The following C2CD3 variants were observed in gnomAD, a reference collection of about 807,000 sequenced individuals.
C2CD3 encodes the protein C2 domain containing 3 centriole elongation regulator, also known as C2 domain-containing protein 3.
Under a neutral mutation model 234.0 loss-of-function variants are expected in C2CD3, and 148 were observed. The ratio of observed to expected loss-of-function variants is 0.63; its 90% CI spans 0.55 to 0.72. The LOEUF is 0.72. Among genes scored for constraint, C2CD3 ranks in the 30% least tolerant of loss-of-function variants. The pLI is 0.00. For synonymous variants in C2CD3, 1,000 were observed against 1,035.4 expected (o/e 0.97, Z 0.66); for missense variants, 2,577 against 2,811.5 (o/e 0.92, Z 1.89).
At chr11:74,053,898 C>T (rs553283328) in intron 26 of C2CD3, among the ~76,000 whole-genome samples, 2 of 120,584 alleles carry the variant, frequency 1.7e-5, no homozygotes, top group Non-Finnish European at 3.0e-5. Context: ...CAGGAGATTG[C>T]GGCAGGAGAT....
intron 26 of C2CD3, among the ~76,000 whole-genome samples, chr11:74,050,988 A>G (rs1403526420): frequency 1.3e-5 from 2 of 151,432 alleles, no homozygotes; most frequent in Non-Finnish European, 2.9e-5. Flanking sequence ...GTACTGAACC[A>G]GATTCAAGAT....
At chr11:74,107,598 A>G (rs535219144) in intron 12 of C2CD3, among the ~76,000 whole-genome samples, 12 of 152,344 alleles carry the variant, frequency 7.9e-5, no homozygotes, top group African/African-American at 2.6e-4. Context: ...TCAAATACAA[A>G]ATTATGTGAA....
chr11:74,063,740 C>T (rs1366557899), intron 24 of C2CD3, among the ~76,000 whole-genome samples: 1 of 152,172 alleles, frequency 6.6e-6, no homozygotes, highest in Non-Finnish European at 1.5e-5. Context: ...TCTCTCACCA[C>T]TCCTATTCAA....
chr11:74,114,524 A>T lies in C2CD3; in HGVS notation c.1590T>A (p.Asp530Glu), dbSNP rs1251106290. 6 of 1,613,950 alleles carry T rather than the reference A, an allele frequency of 3.7e-6. No individual in the cohort carries two copies. The South Asian group carries it at 6.6e-5, about 18-fold the overall frequency. Residue 530 changes from aspartate to glutamate, a missense_variant, in exon 10 of 33, where the codon GAT (aspartate) becomes GAA (glutamate). By Grantham distance (45) the Asp-to-Glu change is conservative (BLOSUM62 2). Transcript: ENST00000334126. ...GTGTTCTACCCAAAAGGGCCAGTCT[A>T]TCCACACTTAGTGTCATCGTTTGGG... The part of the protein sequence containing the change: ...EDAQTMTLSV[D>E]RLALLGRTHS...
In C2CD3 at chr11:74,170,961, G is replaced by C; in HGVS notation, c.-169C>G. 1 of 1,453,670 alleles carries C rather than the reference G, an allele frequency of 6.9e-7. No homozygotes were observed. The highest frequency in any genetic ancestry group is 9.2e-7 in the Non-Finnish European group (1 of 1,092,092). The allele number at this position is 1,453,670 out of a possible 1,614,324, so 90.0% of individuals were successfully genotyped here. On this transcript the variant is annotated 5_prime_UTR_variant, in exon 1 of 33. Transcript: ENST00000334126. ...CCTCTAACAGTCTCCGGAAAACGGTGCGAAGAGAAGGCGCCAAGACGCCTT... is the reference window on the plus strand; with the variant it reads ...CCTCTAACAGTCTCCGGAAAACGGTCCGAAGAGAAGGCGCCAAGACGCCTT...
chr11:74,125,977 T>G (rs1324624924), intron 7 of C2CD3, among the ~76,000 whole-genome samples: 1 of 152,190 alleles, frequency 6.6e-6, no homozygotes, highest in East Asian at 1.9e-4. Flanking sequence ...TTCTGTGTTG[T>G]AGCCCCTATT....
intron 7 of C2CD3, among the ~76,000 whole-genome samples, chr11:74,123,826 C>T (rs1957309205): frequency 1.3e-5 from 2 of 150,640 alleles, no homozygotes; most frequent in Admixed American, 1.3e-4. Flanking sequence ...GCAACCTCTG[C>T]CTCCTGGGTT....
intron 32 of C2CD3, among the ~76,000 whole-genome samples, chr11:74,017,143 G>A (rs1951910319): frequency 6.6e-6 from 1 of 152,222 alleles, no homozygotes; most frequent in African/African-American, 2.4e-5. Flanking sequence ...TACTAGAAGA[G>A]GGGTTGATGC....
intron 28 of C2CD3, among the ~76,000 whole-genome samples, chr11:74,045,051 T>C (rs574014135): frequency 6.6e-6 from 1 of 152,316 alleles, no homozygotes; most frequent in South Asian, 2.1e-4. Context: ...TTTATAGTTT[T>C]AGTTTTTACA....
At chr11:74,127,412 C>T (rs1359451000) in intron 7 of C2CD3, among the ~76,000 whole-genome samples, 1 of 152,086 alleles carries the variant, frequency 6.6e-6, no homozygotes, top group African/African-American at 2.4e-5. Flanking sequence ...ATGGATACTC[C>T]AGATTTCTTA....
intron 1 of C2CD3, among the ~76,000 whole-genome samples, chr11:74,168,947 T>C (rs1237173465): frequency 6.6e-6 from 1 of 152,236 alleles, no homozygotes; most frequent in Non-Finnish European, 1.5e-5. Flanking sequence ...AAAATACAAA[T>C]ATCAGAAGTA....
intron 32 of C2CD3, among the ~76,000 whole-genome samples, chr11:74,025,530 A>C (rs1159232309): frequency 6.6e-6 from 1 of 152,176 alleles, no homozygotes; most frequent in Non-Finnish European, 1.5e-5. Context: ...TCAAAGGCAA[A>C]AACACAAAAG....
At chr11:74,129,551 T>C (rs1469150260) in intron 7 of C2CD3, 1 of 185,638 alleles carries the variant, frequency 5.4e-6, no homozygotes, top group African/African-American at 2.6e-5. Context: ...ACTTCCTAGA[T>C]GGGATGGCGG....
intron 11 of C2CD3, among the ~76,000 whole-genome samples, chr11:74,111,212 G>A (rs376889732): frequency 1.8e-4 from 28 of 151,804 alleles, no homozygotes; most frequent in African/African-American, 6.8e-4. Flanking sequence ...TCCTCTTTAC[G>A]TCCTGATATG....
intron 3 of C2CD3, among the ~76,000 whole-genome samples, chr11:74,154,459 A>G (rs1167703208): frequency 6.6e-6 from 1 of 152,186 alleles, no homozygotes; most frequent in African/African-American, 2.4e-5. Flanking sequence ...CTGGGAATAT[A>G]AATGAATGAA....
At chr11:74,017,197 T>C (rs1434000984) in intron 32 of C2CD3, among the ~76,000 whole-genome samples, 7 of 152,182 alleles carry the variant, frequency 4.6e-5, no homozygotes, top group Admixed American at 1.3e-4. Flanking sequence ...TTTGATCTTA[T>C]TCTTCTTGGA....
Position 74,090,746 on chromosome 11 carries a change from C to G in C2CD3, c.3641+67G>C, listed in dbSNP as rs1439737505. 8 of 1,575,810 alleles carry G rather than the reference C, an allele frequency of 5.1e-6. No homozygotes were observed. The Admixed American group carries it at 1.0e-4, about 20-fold the overall frequency. On this transcript the variant is annotated intron_variant, in intron 20 of 32. Coordinates refer to ENST00000334126, the MANE Select transcript of C2CD3 (RefSeq NM_001286577.2). Reference sequence around the variant, plus strand: ...TTATACCTAAGAAAGTTTTGCATATCTGAGCATTATTTTACAATGATTGCA... The same window carrying G: ...TTATACCTAAGAAAGTTTTGCATATGTGAGCATTATTTTACAATGATTGCA...
chr11:74,073,799 G>C (rs1231528023), intron 24 of C2CD3, among the ~76,000 whole-genome samples: 1 of 152,034 alleles, frequency 6.6e-6, no homozygotes, highest in Non-Finnish European at 1.5e-5. Flanking sequence ...TTAAATTTTA[G>C]CTAGAGGTTG....
chr11:74,054,054 C>T (rs1383307573), intron 26 of C2CD3, among the ~76,000 whole-genome samples: 2 of 151,992 alleles, frequency 1.3e-5, no homozygotes, highest in Admixed American at 6.6e-5. Flanking sequence ...GGGTGGATCA[C>T]GAGGTCAGGA....
Sources: allele counts gnomAD v4.1 joint callset (sites outside exome capture counted in the v4.1 genomes callset), GRCh38; gene constraint gnomAD v4.1.1; transcripts MANE v1.5; gene names NCBI Gene and HGNC (gene_info 2026-07-23, HGNC 2026-07-21).